Variants in CFAP47 observed in about 807,000 individuals in gnomAD.
The protein encoded by CFAP47 is cilia- and flagella-associated protein 47.
A neutral mutation model predicts 148.1 loss-of-function variants in CFAP47; 29 were observed. The ratio of observed to expected loss-of-function variants is 0.20; its 90% CI spans 0.15 to 0.27. CFAP47 has a LOEUF of 0.27. CFAP47 is among the 10% of genes least tolerant of loss of function. The probability of loss-of-function intolerance (pLI) is 1.00; values close to 1 mark genes in which losing one functional copy is unlikely to be tolerated. For synonymous variants in CFAP47, 664 were observed against 577.3 expected (o/e 1.15, Z -2.15); for missense variants, 1,872 against 1,697.5 (o/e 1.10, Z -1.81).
chrX:36,329,771 G>T (rs1433000663), intron 57 of CFAP47, among the ~76,000 whole-genome samples: 1 of 110,449 alleles, frequency 9.1e-6, no homozygotes, highest in African/African-American at 3.3e-5. Context: ...GATGAGTTTT[G>T]GTTGCTACTT....
At chrX:36,075,843 T>C (rs927558627) in intron 29 of CFAP47, among the ~76,000 whole-genome samples, 1 of 111,902 alleles carries the variant, frequency 8.9e-6, no homozygotes, top group Non-Finnish European at 1.9e-5. Flanking sequence ...TGCATCCATG[T>C]TGCTGCAAAT....
intron 18 of CFAP47, among the ~76,000 whole-genome samples, chrX:35,996,115 G>C (rs763924427): frequency 9.0e-6 from 1 of 111,100 alleles, no homozygotes; most frequent in African/African-American, 3.3e-5. Context: ...CAGTGGTCTT[G>C]GGTGGTGAAT....
chrX:36,335,852 A>G, intron 57 of CFAP47, among the ~76,000 whole-genome samples: 1 of 111,553 alleles, frequency 9.0e-6, no homozygotes, highest in Non-Finnish European at 1.9e-5. Flanking sequence ...CATTGGAGAT[A>G]ATTGGGTAAA....
intron 33 of CFAP47, among the ~76,000 whole-genome samples, chrX:36,112,032 G>GT (rs776269604): frequency 2.7e-5 from 3 of 110,665 alleles, no homozygotes; most frequent in African/African-American, 6.6e-5. Context: ...CTATTTCATT[G>GT]TTTTTTCACA....
chrX:36,109,587 T>G (rs1938520506), intron 33 of CFAP47, among the ~76,000 whole-genome samples: 1 of 111,494 alleles, frequency 9.0e-6, no homozygotes, highest in African/African-American at 3.3e-5. Flanking sequence ...GCGATTCTCC[T>G]GCCTCAGCCT....
At chrX:36,195,807 T>C (rs1419541712) in intron 42 of CFAP47, among the ~76,000 whole-genome samples, 1 of 111,340 alleles carries the variant, frequency 9.0e-6, no homozygotes, top group Non-Finnish European at 1.9e-5. Context: ...GCAGAGCAAA[T>C]TGGTGACACA....
intron 39 of CFAP47, among the ~76,000 whole-genome samples, chrX:36,166,960 T>G (rs1939498407): frequency 9.0e-6 from 1 of 111,667 alleles, no homozygotes; most frequent in African/African-American, 3.3e-5. Context: ...TTCTGTTAAA[T>G]TCCCTGCGTG....
chrX:36,372,675 G>A (rs1941983432), intron 62 of CFAP47, among the ~76,000 whole-genome samples: 1 of 111,670 alleles, frequency 9.0e-6, no homozygotes, highest in African/African-American at 3.2e-5. Flanking sequence ...CACAGAAAAG[G>A]CACAGTAAAC....
intron 34 of CFAP47, 85 bp downstream of exon 34, chrX:36,138,140 G>A: frequency 1.9e-6 from 1 of 538,240 alleles, no homozygotes. Flanking sequence ...TCTGTAAACA[G>A]ATTATTTCGA....
rs1281937452 is a variant in CFAP47 at position 36,174,430 on chromosome X, A to G, written c.6027-4915A>G. 7.3e-5 allele frequency among the ~76,000 whole-genome samples: 8 copies of G among 110,182 alleles called. No homozygotes were observed. The South Asian group carries it at 1.2e-3, about 17-fold the overall frequency. ...TTACATTTTGGCATGATTTTGCAGC[A>G]GCTGGTACCGGTTGTTCCTTTCCAT... On this transcript the variant is annotated intron_variant, in intron 39 of 63. Coordinates refer to ENST00000378653, the MANE Select transcript of CFAP47 (RefSeq NM_001304548.2).
At chrX:36,279,305 C>A (rs1379641464) in intron 49 of CFAP47, among the ~76,000 whole-genome samples, 3 of 111,682 alleles carry the variant, frequency 2.7e-5, no homozygotes, top group African/African-American at 6.5e-5. Flanking sequence ...ACTTCAAGCT[C>A]TCTCTCTAAG....
rs183729815 is a variant in CFAP47 at position 36,201,682 on chromosome X, A to C, written c.6663+182A>C. On this transcript the variant is annotated intron_variant, in intron 44 of 63. Coordinates refer to ENST00000378653, the MANE Select transcript of CFAP47 (RefSeq NM_001304548.2). Reference sequence around the variant, plus strand: ...TCCTTTATACCTCGTTAAATAATGAATCTGAAACAAAGCATTCTACTATGT... The same window carrying C: ...TCCTTTATACCTCGTTAAATAATGACTCTGAAACAAAGCATTCTACTATGT... 1.1e-3 allele frequency among the ~76,000 whole-genome samples: 121 copies of C among 111,927 alleles called. 1 individual carries two copies. The highest frequency in any genetic ancestry group is 3.8e-3 in the African/African-American group (117 of 30,853).
intron 49 of CFAP47, among the ~76,000 whole-genome samples, chrX:36,253,325 T>C (rs909004985): frequency 2.1e-4 from 23 of 111,613 alleles, no homozygotes; most frequent in African/African-American, 7.5e-4. Flanking sequence ...TTAAATTAGT[T>C]GTCCCATTAT....
intron 59 of CFAP47, among the ~76,000 whole-genome samples, chrX:36,352,863 GTACATTAAATTAA>G (rs1485853197): frequency 1.8e-5 from 2 of 108,721 alleles, no homozygotes; most frequent in African/African-American, 6.6e-5. Context: ...ATTTAATTCT[GTACATTAAATTAA>G]TATGTAATCA....
At chrX:36,086,699 T>C (rs1938094449) in intron 30 of CFAP47, among the ~76,000 whole-genome samples, 1 of 111,825 alleles carries the variant, frequency 8.9e-6, no homozygotes, top group Non-Finnish European at 1.9e-5. Flanking sequence ...AATATCATGG[T>C]AATAAGGCAA....
chrX:36,257,102 T>C (rs782463407), intron 49 of CFAP47, among the ~76,000 whole-genome samples: 6 of 112,418 alleles, frequency 5.3e-5, no homozygotes, highest in Admixed American at 9.4e-5. Context: ...AACTTCTACA[T>C]GTAAGCAACA....
At chrX:36,127,549 C>T (rs1938864677) in intron 33 of CFAP47, among the ~76,000 whole-genome samples, 1 of 111,204 alleles carries the variant, frequency 9.0e-6, no homozygotes, top group Admixed American at 9.6e-5. Flanking sequence ...CTTTGTTCTT[C>T]TTGCCCAGGA....
chrX:36,266,140 G>A (rs1382330819), intron 49 of CFAP47, among the ~76,000 whole-genome samples: 2 of 111,111 alleles, frequency 1.8e-5, no homozygotes, highest in Non-Finnish European at 3.8e-5. Context: ...ATGGGGGCAC[G>A]GTGGGTGTAA....
At chrX:35,972,337 C>G (rs766242497) in intron 13 of CFAP47, among the ~76,000 whole-genome samples, 1 of 110,639 alleles carries the variant, frequency 9.0e-6, no homozygotes, top group South Asian at 3.9e-4. Context: ...TCAAGCGATT[C>G]TCCTGACTCA....
Sources: allele counts gnomAD v4.1 joint callset (sites outside exome capture counted in the v4.1 genomes callset), GRCh38; gene constraint gnomAD v4.1.1; transcripts MANE v1.5; gene names NCBI Gene and HGNC (gene_info 2026-07-23, HGNC 2026-07-21).